Variants in KIAA1217 observed in about 807,000 individuals in gnomAD.
The protein encoded by KIAA1217 is KIAA1217.
KIAA1217 carries 88 observed loss-of-function variants against 163.9 expected under a neutral mutation model. That is an observed-to-expected ratio of 0.54 (90% CI 0.45 to 0.64). The LOEUF is 0.64. Ranked by LOEUF, KIAA1217 falls within the 30% of genes least tolerant of loss-of-function variation. KIAA1217 has a pLI of 0.00. For synonymous variants in KIAA1217, 903 were observed against 923.1 expected (o/e 0.98, Z 0.39); for missense variants, 2,372 against 2,475.0 (o/e 0.96, Z 0.88).
intron 1 of KIAA1217, among the ~76,000 whole-genome samples, chr10:23,764,777 C>T (rs534559472): frequency 6.6e-6 from 1 of 152,142 alleles, no homozygotes; most frequent in South Asian, 2.1e-4. Context: ...GGGAACATCA[C>T]ACACCAGGGC....
chr10:23,857,425 G>A (rs911983325), intron 1 of KIAA1217, among the ~76,000 whole-genome samples: 5 of 152,146 alleles, frequency 3.3e-5, no homozygotes, highest in Non-Finnish European at 7.3e-5. Flanking sequence ...ATTAAGGAAA[G>A]GATTTTCTGA....
At chr10:24,026,637 A>G (rs1342852343) in intron 2 of KIAA1217, among the ~76,000 whole-genome samples, 1 of 149,914 alleles carries the variant, frequency 6.7e-6, no homozygotes, top group Non-Finnish European at 1.5e-5. Context: ...TTTTTTTCTC[A>G]GTTAGGCTGG....
At chr10:24,271,511 G>A (rs1014518612) in intron 2 of KIAA1217, among the ~76,000 whole-genome samples, 2 of 152,082 alleles carry the variant, frequency 1.3e-5, no homozygotes, top group African/African-American at 4.8e-5. Flanking sequence ...AGCACTTTGG[G>A]AGGCCGAGGT....
intron 2 of KIAA1217, among the ~76,000 whole-genome samples, chr10:24,340,943 T>C (rs1297987373): frequency 6.6e-6 from 1 of 151,874 alleles, no homozygotes; most frequent in Non-Finnish European, 1.5e-5. Flanking sequence ...ACGTGCACGC[T>C]TGTAAATGTG....
At chr10:23,883,452 G>A (rs550015695) in intron 1 of KIAA1217, among the ~76,000 whole-genome samples, 14 of 151,870 alleles carry the variant, frequency 9.2e-5, no homozygotes, top group South Asian at 8.3e-4. Flanking sequence ...GTCAGTACAC[G>A]TTTTTTCAAA....
intron 5 of KIAA1217, among the ~76,000 whole-genome samples, chr10:24,471,886 C>CAAAAAA (rs749624402): frequency 6.4e-5 from 3 of 46,930 alleles, no homozygotes; most frequent in African/African-American, 1.6e-4. Context: ...GACTCCATCT[C>CAAAAAA]AAAAAAAAAA....
At chr10:23,929,462 C>A (rs1843163764) in intron 1 of KIAA1217, among the ~76,000 whole-genome samples, 1 of 152,156 alleles carries the variant, frequency 6.6e-6, no homozygotes, top group South Asian at 2.1e-4. Context: ...TTGCTCACTT[C>A]CCTCCTTCCT....
intron 1 of KIAA1217, among the ~76,000 whole-genome samples, chr10:23,839,076 C>G (rs1302088630): frequency 6.6e-6 from 1 of 151,994 alleles, no homozygotes; most frequent in Non-Finnish European, 1.5e-5. Flanking sequence ...TCCACATTTT[C>G]AATACTTTTT....
chr10:23,723,682 AAATTAGC>A (rs1222056065), intron 1 of KIAA1217, among the ~76,000 whole-genome samples: 1 of 152,180 alleles, frequency 6.6e-6, no homozygotes, highest in Non-Finnish European at 1.5e-5. Context: ...AGCTATTATG[AAATTAGC>A]TGAATGAGAA....
chr10:24,304,192 C>T (rs1439792237), intron 2 of KIAA1217, among the ~76,000 whole-genome samples: 1 of 146,038 alleles, frequency 6.8e-6, no homozygotes, highest in Non-Finnish European at 1.5e-5. Context: ...TTTCGAATTC[C>T]ATATTAGGTT....
At chr10:24,397,770 A>G (rs1273964629) in intron 3 of KIAA1217, among the ~76,000 whole-genome samples, 1 of 152,210 alleles carries the variant, frequency 6.6e-6, no homozygotes, top group East Asian at 1.9e-4. Context: ...CTGGAGCCAC[A>G]GAGGTGTATT....
At chr10:24,382,729 G>A (rs1039386642) in intron 3 of KIAA1217, among the ~76,000 whole-genome samples, 1 of 151,918 alleles carries the variant, frequency 6.6e-6, no homozygotes, top group Non-Finnish European at 1.5e-5. Flanking sequence ...CACAGGGGAG[G>A]GACACACCCA....
intron 2 of KIAA1217, among the ~76,000 whole-genome samples, chr10:24,064,900 T>G (rs1468661449): frequency 6.6e-6 from 1 of 152,230 alleles, no homozygotes; most frequent in Non-Finnish European, 1.5e-5. Context: ...ATTTATCCAT[T>G]TCTTCTAGAT....
intron 2 of KIAA1217, among the ~76,000 whole-genome samples, chr10:24,233,355 C>T (rs114536413): frequency 1.9e-3 from 289 of 152,230 alleles, no homozygotes; most frequent in African/African-American, 6.6e-3. Flanking sequence ...GCATTCATCC[C>T]ATTCATGAGG....
chr10:23,759,213 A>G (rs1416179610), intron 1 of KIAA1217, among the ~76,000 whole-genome samples: 1 of 151,958 alleles, frequency 6.6e-6, no homozygotes, highest in Admixed American at 6.6e-5. Flanking sequence ...TCCTTTACAG[A>G]TTGTTAATTT....
rs2135501481 is a variant in KIAA1217, at chr10:24,544,187, G to A, written c.4917G>A (p.Arg1639=). 6.2e-7 allele frequency: 1 copy of A among 1,614,138 alleles called. No individual in the cohort carries two copies. The highest frequency in any genetic ancestry group is 8.5e-7 in the Non-Finnish European group (1 of 1,180,024). ...QPEDTPENTV[R]RQEQPSIEST... ...AAGACACCCCTGAAAACACAGTGAG[G>A]AGGCAAGAGCAGCCCAGCATCGAGA... The change falls in exon 19 of 21, where the codon AGG becomes AGA. Residue 1639 remains arginine, a synonymous_variant. Coordinates refer to ENST00000376454, the MANE Select transcript of KIAA1217 (RefSeq NM_019590.5).
intron 2 of KIAA1217, among the ~76,000 whole-genome samples, chr10:24,047,924 C>A (rs1174734583): frequency 2.0e-5 from 3 of 152,156 alleles, no homozygotes; most frequent in African/African-American, 7.2e-5. Flanking sequence ...CAGTGTATGG[C>A]TTTTTCCTAA....
intron 3 of KIAA1217, among the ~76,000 whole-genome samples, chr10:24,413,609 C>A (rs1456387932): frequency 6.6e-6 from 1 of 152,190 alleles, no homozygotes; most frequent in East Asian, 1.9e-4. Context: ...ACCTTTCTAA[C>A]CTCTTCTCAT....
At chr10:23,822,411 A>C (rs368679498) in intron 1 of KIAA1217, among the ~76,000 whole-genome samples, 27 of 152,342 alleles carry the variant, frequency 1.8e-4, no homozygotes, top group African/African-American at 6.3e-4. Flanking sequence ...GAACACACAC[A>C]TATCAGAGTG....
Sources: gnomAD v4.1 joint callset for allele counts (sites outside exome capture counted in the v4.1 genomes callset) on GRCh38, gnomAD v4.1.1 for gene constraint, MANE v1.5 for transcripts, NCBI Gene and HGNC (gene_info 2026-07-23, HGNC 2026-07-21) for gene names.